NOTCH1: variants seen among roughly 807,000 people sequenced by gnomAD.
The protein encoded by NOTCH1 is neurogenic locus notch homolog protein 1.
A neutral mutation model predicts 254.8 loss-of-function variants in NOTCH1; 37 were observed. The ratio of observed to expected loss-of-function variants is 0.15; its 90% confidence interval spans 0.11 to 0.19. The LOEUF (loss-of-function observed/expected upper bound fraction) is 0.19. Among genes scored for constraint, NOTCH1 ranks in the 10% least tolerant of loss-of-function variants. The pLI is 1.00. For synonymous variants in NOTCH1, 1,731 were observed against 1,618.1 expected, an observed-to-expected ratio of 1.07 and a Z score of -1.68; for missense variants, 2,972 against 3,708.6, an observed-to-expected ratio of 0.80 and a Z score of 5.16.
intron 2 of NOTCH1, among the ~76,000 whole-genome samples, chr9:136,535,565 GGGT>G (rs1843636694): frequency 1.2e-5 from 1 of 81,578 alleles, no homozygotes; most frequent in Non-Finnish European, 2.2e-5. Context: ...GGTGCATGGT[GGGT>G]GGAGGGGGGA....
Position 136,518,912 on chromosome 9 carries a change from C to G in NOTCH1, c.866-88G>C, listed in dbSNP as rs114852558. ...AGACGCAGGGTGGCAATGCCGCCCC[C>G]TCCAGGAAGCCTTCCTGGGCTGACT... On this transcript the variant is annotated intron_variant, in intron 5 of 33. Transcript: ENST00000651671. 2.9e-3 allele frequency: 3,298 copies of G among 1,148,278 alleles called. 86 individuals carry two copies. In the African/African-American group the frequency reaches 0.043, roughly 15 times the overall value. 71.1% of individuals were successfully genotyped at this position (1,148,278 alleles called of 1,614,324 possible).
chr9:136,523,693 C>T (rs759442498), intron 3 of NOTCH1, 24 bp downstream of exon 3: 1 of 1,587,824 alleles, frequency 6.3e-7, no homozygotes, highest in Non-Finnish European at 8.6e-7. Context: ...CTGCCCACCC[C>T]TCAGGCTGTG....
chr9:136,508,190 T>G (rs199732383), intron 20 of NOTCH1, 42 bp downstream of exon 20: 2 of 1,609,136 alleles, frequency 1.2e-6, no homozygotes, highest in South Asian at 2.2e-5. Context: ...ACAGAGGACC[T>G]TGATGGGCTG....
Position 136,529,542 on chromosome 9 carries a change from G to A in NOTCH1, c.141-5563C>T, listed in dbSNP as rs370298340. On this transcript the variant is annotated intron_variant, in intron 2 of 33. Transcript: ENST00000651671. ...AGCCCAGCCCTGGGGGATGGAGGAG[G>A]CTTGGGAAGATGCTGGAACCTCGTT... Among the ~76,000 whole-genome samples the A allele has an allele frequency of 5.9e-5, 9 of 152,346 alleles. No homozygotes were observed. In the East Asian group the frequency reaches 1.2e-3, roughly 20 times the overall value.
At position 136,497,478 on chromosome 9, in the gene NOTCH1, C is replaced by G. The variant is rs1842935855; in HGVS notation, c.6261G>C (p.Arg2087=). The G allele has an allele frequency of 6.2e-7, 1 of 1,612,188 alleles. No individual in the cohort carries two copies. The highest frequency in any genetic ancestry group is 8.5e-7 in the Non-Finnish European group (1 of 1,179,838). ...AKVLLDHFAN[R]DITDHMDRLP... ...GGCGGTCCATATGATCCGTGATGTC[C>G]CGGTTGGCAAAGTGGTCCAGCAGCA... Residue 2087 remains arginine, a synonymous_variant, in exon 34 of 34, where the codon CGG becomes CGC. Coordinates refer to ENST00000651671, the MANE Select transcript of NOTCH1 (RefSeq NM_017617.5).
Position 136,506,408 on chromosome 9 carries a change from T to A in NOTCH1, c.4014+119A>T. The A allele has an allele frequency of 1.4e-6, 1 of 702,282 alleles. No individual in the cohort carries two copies. The allele number at this position is 702,282 out of a possible 1,614,324, so 43.5% of individuals were successfully genotyped here. On this transcript the variant is annotated intron_variant, in intron 24 of 33. Transcript: ENST00000651671. This position sits in a 1 kb window ranked among gnomAD's most constrained non-coding sequence, Gnocchi z 4.5. ...TAAAAAAAAAAAAAAGACATCAGGG[T>A]GAGGAGGAGGATGAAGGCCGGGAGG...
At chr9:136,528,578 G>A (rs889154680) in intron 2 of NOTCH1, among the ~76,000 whole-genome samples, 22 of 151,626 alleles carry the variant, frequency 1.5e-4, no homozygotes, top group Non-Finnish European at 2.2e-4. Flanking sequence ...ACAGTGCGGG[G>A]GCCTCTCCGG....
At chr9:136,522,809 C>A in intron 4 of NOTCH1, 41 bp downstream of exon 4, 2 of 1,440,938 alleles carry the variant, frequency 1.4e-6, no homozygotes, top group East Asian at 2.5e-5. Context: ...GCCTGGCAGC[C>A]GGGGAGGGGC....
intron 2 of NOTCH1, among the ~76,000 whole-genome samples, chr9:136,526,069 C>T (rs1843454635): frequency 1.3e-5 from 2 of 152,266 alleles, no homozygotes; most frequent in African/African-American, 2.4e-5. Context: ...AATGAGGCTC[C>T]CCCTCCTCCA....
chr9:136,532,890 C>A (rs1340445539), intron 2 of NOTCH1, among the ~76,000 whole-genome samples: 2 of 152,196 alleles, frequency 1.3e-5, no homozygotes, highest in Non-Finnish European at 2.9e-5. Context: ...GCAGCCCCTG[C>A]AGGCTGGAGC....
Position 136,502,032 on chromosome 9 carries a change from C to T in NOTCH1, c.5441G>A (p.Gly1814Glu), listed in dbSNP as rs768161812. The T allele has an allele frequency of 2.5e-6, 4 of 1,613,334 alleles. No individual in the cohort carries two copies. Among genetic ancestry groups the T allele is most frequent in the South Asian group, 2.2e-5 (2 of 91,088 alleles). The change falls in exon 29 of 34, where the codon GGG (glycine) becomes GAG (glutamate). Residue 1814 changes from glycine to glutamate, a missense_variant. By Grantham distance (98) the Gly-to-Glu change is moderately conservative. Coordinates refer to ENST00000651671, the MANE Select transcript of NOTCH1 (RefSeq NM_017617.5). The part of the protein sequence containing the change: ...ALMDDNQNEW[G>E]DEDLETKKFR... ...CTTCTTGGTCTCCAGGTCCTCGTCC[C>T]CCCACTCATTCTGGTTGTCGTCCAT...
At chr9:136,515,918 T>G in intron 10 of NOTCH1, 63 bp downstream of exon 10, 1 of 1,387,712 alleles carries the variant, frequency 7.2e-7, no homozygotes, top group Non-Finnish European at 1.0e-6. Context: ...CTTGTCAGTT[T>G]CACTGCCCTG....
Position 136,545,801 on chromosome 9 carries a change from T to G in NOTCH1, c.-15A>C. ...AGCGGCGGCATGCCTCCCCACCGGC[T>G]GCCCTCTGCGCCCGGGCGGCGGCCT... On this transcript the variant is annotated 5_prime_UTR_variant, in exon 1 of 34. Transcript: ENST00000651671. The surrounding 1 kb of genome is among the most constrained non-coding windows in gnomAD (Gnocchi z 6.8). The G allele has an allele frequency of 7.8e-7, 1 of 1,280,002 alleles. No homozygotes were observed. The highest frequency in any genetic ancestry group is 9.9e-7 in the Non-Finnish European group (1 of 1,012,374). The allele number at this position is 1,280,002 out of a possible 1,614,324, so 79.3% of individuals were successfully genotyped here. A position where few individuals can be genotyped will look rare whatever the true frequency, so the allele number is the denominator to read the frequency against.
At chr9:136,512,813 G>C (rs1843201539) in intron 15 of NOTCH1, among the ~76,000 whole-genome samples, 1 of 152,084 alleles carries the variant, frequency 6.6e-6, no homozygotes, top group Non-Finnish European at 1.5e-5. Flanking sequence ...ACATACTGCA[G>C]GGGCCTAAGG....
chr9:136,503,011 A>G (rs1329063384), intron 27 of NOTCH1, 171 bp downstream of exon 27: 5 of 948,732 alleles, frequency 5.3e-6, no homozygotes, highest in Non-Finnish European at 8.2e-6. Flanking sequence ...TGACCGCCGC[A>G]GGTGGGGGCG....
In NOTCH1 at chr9:136,502,469, G is replaced by C. The variant is rs1391812990; in HGVS notation, c.5187C>G (p.Pro1729=). The C allele has an allele frequency of 6.3e-7, 1 of 1,581,546 alleles. No individual in the cohort carries two copies. Among genetic ancestry groups the C allele is most frequent in the Non-Finnish European group, 8.6e-7 (1 of 1,165,782 alleles). The change falls in exon 28 of 34, where the codon CCC becomes CCG. Residue 1729 remains proline, a synonymous_variant. Transcript: ENST00000651671. ...EAVQSETVEP[P]PPAQLHFMYV... is the part of the protein sequence containing the mutation. ...ACATGAAGTGCAGCTGCGCCGGCGG[G>C]GGCGGCTCCACGGTCTCACCTGCGG...
intron 3 of NOTCH1, 116 bp downstream of exon 3, chr9:136,523,601 C>T (rs901668714): frequency 8.1e-6 from 11 of 1,362,460 alleles, no homozygotes; most frequent in Non-Finnish European, 1.0e-5. Context: ...CAGGGGCTCC[C>T]AATTACTTCC....
In NOTCH1 at chr9:136,518,202, A is replaced by G; in HGVS notation, c.1190T>C (p.Ile397Thr). ...CGTGTACCCCGAGGGGCAGGTGCAGATGGCCTTGCCATTGACAGGGTTGGT... is the reference window on the plus strand; with the variant it reads ...CGTGTACCCCGAGGGGCAGGTGCAGGTGGCCTTGCCATTGACAGGGTTGGT... ...CDTNPVNGKA[I>T]CTCPSGYTGP... Residue 397 changes from isoleucine (I) to threonine (T), a missense_variant, in exon 7 of 34, where the codon ATC becomes ACC. This residue lies in a region of NOTCH1 where 90 missense variants were observed against 183.6 expected (regional missense o/e 0.49). Transcript: ENST00000651671. 1 of 1,607,206 alleles carries G rather than the reference A, an allele frequency of 6.2e-7. No individual in the cohort carries two copies. The highest frequency in any genetic ancestry group is 8.5e-7 in the Non-Finnish European group (1 of 1,177,526).
rs905784149 is a variant in NOTCH1, at chr9:136,522,771, C to T, written c.742+79G>A. On this transcript the variant is annotated intron_variant, in intron 4 of 33. Transcript: ENST00000651671. ...ATGGGCCCTCCCAGGGCTGCCCCTA[C>T]ACCAGGCGCCCCGTTCCCACCCCCT... 1.4e-5 allele frequency: 19 copies of T among 1,349,646 alleles called. No individual in the cohort carries two copies. The African/African-American group carries it at 1.6e-4, about 12-fold the overall frequency. The allele number at this position is 1,349,646 out of a possible 1,614,324, so 83.6% of individuals were successfully genotyped here.
Sources: gnomAD v4.1 joint callset for allele counts (sites outside exome capture counted in the v4.1 genomes callset) on GRCh38, gnomAD v4.1.1 for gene constraint, gnomAD v4.1.1 regional missense constraint, Gnocchi (gnomAD v3.1) non-coding constraint, MANE v1.5 for transcripts, NCBI Gene and HGNC (gene_info 2026-07-23, HGNC 2026-07-21) for gene names.